The following PRKD1 variants were observed in gnomAD, a reference collection of about 807,000 sequenced individuals.
PRKD1 encodes the protein serine/threonine-protein kinase D1.
Under a neutral mutation model 95.9 loss-of-function variants are expected in PRKD1, and 63 were observed. The ratio of observed to expected loss-of-function variants is 0.66; its 90% CI spans 0.54 to 0.81. PRKD1 has a LOEUF of 0.81. Ranked by LOEUF, PRKD1 falls within the 30% of genes least tolerant of loss-of-function variation. The pLI is 0.00. For synonymous variants in PRKD1, 425 were observed against 423.1 expected, an observed-to-expected ratio of 1.00 and a Z score of -0.05; for missense variants, 1,048 against 1,165.3, an observed-to-expected ratio of 0.90 and a Z score of 1.47.
At chr14:29,809,070 T>C (rs1019979795) in intron 1 of PRKD1, among the ~76,000 whole-genome samples, 2 of 152,240 alleles carry the variant, frequency 1.3e-5, no homozygotes, top group East Asian at 3.8e-4. Context: ...TAATTCCTTG[T>C]CCATCTCCAC....
chr14:29,602,555 G>A (rs1007192250), intron 13 of PRKD1, among the ~76,000 whole-genome samples: 6 of 151,508 alleles, frequency 4.0e-5, no homozygotes, highest in South Asian at 2.1e-4. Flanking sequence ...TCAGCCTCCC[G>A]GGTAGCTGGG....
rs950973930 is a variant in PRKD1, at chr14:29,750,963, C to T, written c.265-25289G>A. ...ACATTTATTGTTGCCATTTTACATCCACTCCTCTTTTGGGGACTGGCATTT... is the reference window on the plus strand; with the variant it reads ...ACATTTATTGTTGCCATTTTACATCTACTCCTCTTTTGGGGACTGGCATTT... On this transcript the variant is annotated intron_variant, in intron 1 of 17. Coordinates refer to ENST00000331968, the MANE Select transcript of PRKD1 (RefSeq NM_002742.3). 7.2e-5 allele frequency among the ~76,000 whole-genome samples: 11 copies of T among 152,108 alleles called. 1 individual carries two copies. The highest frequency in any genetic ancestry group is 2.7e-4 in the African/African-American group (11 of 41,412).
chr14:29,734,195 A>AC (rs1886605781), intron 1 of PRKD1, among the ~76,000 whole-genome samples: 1 of 151,502 alleles, frequency 6.6e-6, no homozygotes, highest in South Asian at 2.1e-4. Context: ...GGTGCCCACC[A>AC]CACGCCTGGC....
chr14:29,721,917 C>T (rs35505329), intron 2 of PRKD1, among the ~76,000 whole-genome samples: 10 of 151,350 alleles, frequency 6.6e-5, no homozygotes, highest in Non-Finnish European at 1.0e-4. Context: ...CAAAAAGAAA[C>T]GGAGGGAGAA....
intron 1 of PRKD1, among the ~76,000 whole-genome samples, chr14:29,779,068 C>T (rs1460683429): frequency 2.6e-5 from 4 of 152,122 alleles, no homozygotes; most frequent in Non-Finnish European, 5.9e-5. Flanking sequence ...GCAGAAAAGG[C>T]CTTTGACAAA....
At chr14:29,578,052 A>G (rs754970860) in intron 17 of PRKD1, among the ~76,000 whole-genome samples, 2 of 151,788 alleles carry the variant, frequency 1.3e-5, no homozygotes, top group Non-Finnish European at 2.9e-5. Context: ...GTGTGTGTGT[A>G]TATGCGTGCG....
At chr14:29,833,652 G>C (rs1891500612) in intron 1 of PRKD1, among the ~76,000 whole-genome samples, 1 of 151,902 alleles carries the variant, frequency 6.6e-6, no homozygotes, top group African/African-American at 2.4e-5. Flanking sequence ...CCATCAAGTA[G>C]GAAACATTTC....
At chr14:29,821,309 T>C (rs976908051) in intron 1 of PRKD1, among the ~76,000 whole-genome samples, 1 of 152,128 alleles carries the variant, frequency 6.6e-6, no homozygotes, top group African/African-American at 2.4e-5. Flanking sequence ...GGAAGGAGAA[T>C]GAACAGCAGC....
intron 1 of PRKD1, among the ~76,000 whole-genome samples, chr14:29,732,237 C>G (rs1886476118): frequency 6.6e-6 from 1 of 152,136 alleles, no homozygotes; most frequent in Non-Finnish European, 1.5e-5. Flanking sequence ...ATTAAGGATA[C>G]TAGCTTACCA....
intron 4 of PRKD1, among the ~76,000 whole-genome samples, chr14:29,651,685 G>A (rs977889896): frequency 6.6e-6 from 1 of 151,048 alleles, no homozygotes; most frequent in African/African-American, 2.4e-5. Flanking sequence ...CATTCATGAG[G>A]ACATATAAAC....
chr14:29,727,104 A>G (rs77694006), intron 1 of PRKD1, among the ~76,000 whole-genome samples: 26,474 of 151,458 alleles, frequency 0.17, 2,511 homozygotes, highest in South Asian at 0.26. Context: ...ACTGGTGTGT[A>G]ATGATATCTC....
At chr14:29,624,969 G>C (rs918983606) in intron 12 of PRKD1, among the ~76,000 whole-genome samples, 4 of 152,132 alleles carry the variant, frequency 2.6e-5, no homozygotes, top group Non-Finnish European at 5.9e-5. Flanking sequence ...AAATGTAGCA[G>C]TGTTAATTGA....
At chr14:29,730,171 T>G (rs149878806) in intron 1 of PRKD1, among the ~76,000 whole-genome samples, 1 of 152,146 alleles carries the variant, frequency 6.6e-6, no homozygotes, top group African/African-American at 2.4e-5. Context: ...TGAATAGACA[T>G]GTCTCAAAAG....
intron 4 of PRKD1, chr14:29,656,426 G>GA: frequency 6.7e-7 from 1 of 1,483,504 alleles, no homozygotes; most frequent in Non-Finnish European, 9.1e-7. Flanking sequence ...ATGCTGGTTT[G>GA]AAAAAGACAG....
At chr14:29,839,977 G>A (rs894821757) in intron 1 of PRKD1, among the ~76,000 whole-genome samples, 4 of 152,114 alleles carry the variant, frequency 2.6e-5, no homozygotes, top group African/African-American at 4.8e-5. Flanking sequence ...CCTCTGACAT[G>A]CCCTAGAGAC....
intron 4 of PRKD1, among the ~76,000 whole-genome samples, chr14:29,642,035 C>G (rs1880811110): frequency 6.6e-6 from 1 of 151,250 alleles, no homozygotes. Context: ...TCCCAAGTAG[C>G]TGGGATTATA....
intron 13 of PRKD1, among the ~76,000 whole-genome samples, chr14:29,612,800 T>A (rs1193968871): frequency 6.6e-6 from 1 of 152,168 alleles, no homozygotes; most frequent in Non-Finnish European, 1.5e-5. Context: ...AGAAATAGTT[T>A]CATAAAAATT....
intron 1 of PRKD1, among the ~76,000 whole-genome samples, chr14:29,899,996 T>G (rs1412631389): frequency 3.9e-5 from 6 of 152,234 alleles, no homozygotes; most frequent in African/African-American, 1.4e-4. Flanking sequence ...TTTCCTGCCA[T>G]CTTGTGAAGA....
At chr14:29,603,854 T>C (rs1893608288) in intron 13 of PRKD1, among the ~76,000 whole-genome samples, 1 of 152,182 alleles carries the variant, frequency 6.6e-6, no homozygotes, top group Admixed American at 6.5e-5. Context: ...ATCTGTCTGT[T>C]GCATTTAAGC....
Sources: allele counts gnomAD v4.1 joint callset (sites outside exome capture counted in the v4.1 genomes callset), GRCh38; gene constraint gnomAD v4.1.1; transcripts MANE v1.5; gene names NCBI Gene and HGNC (gene_info 2026-07-23, HGNC 2026-07-21).